Variants in ADAMTS18 observed in about 807,000 individuals in gnomAD.
ADAMTS18 encodes the protein A disintegrin and metalloproteinase with thrombospondin motifs 18.
A neutral mutation model predicts 165.9 loss-of-function variants in ADAMTS18; 157 were observed. That is an observed-to-expected ratio of 0.95 (90% confidence interval 0.83 to 1.08). The LOEUF (loss-of-function observed/expected upper bound fraction) is 1.08, where lower values mean the gene tolerates loss of function less well. Among genes scored for constraint, ADAMTS18 ranks in the 50% least tolerant of loss-of-function variants. The pLI, the probability that ADAMTS18 is intolerant of heterozygous loss-of-function variation, is 0.00. For missense variants in ADAMTS18, 2,040 were observed against 1,534.0 expected (o/e 1.33, Z -5.51); for synonymous variants, 782 against 578.2 (o/e 1.35, Z -5.06).
chr16:77,347,257 A>C (rs1348602758), intron 10 of ADAMTS18, among the ~76,000 whole-genome samples: 1 of 152,200 alleles, frequency 6.6e-6, no homozygotes, highest in African/African-American at 2.4e-5. Flanking sequence ...GTAGCTGAGA[A>C]TGTTCTTGGA....
At chr16:77,372,930 C>T (rs929513645) in intron 3 of ADAMTS18, among the ~76,000 whole-genome samples, 3 of 152,306 alleles carry the variant, frequency 2.0e-5, no homozygotes, top group African/African-American at 7.2e-5. Flanking sequence ...AAATTCCTGA[C>T]CCACTAATCT....
chr16:77,431,459 C>T lies in ADAMTS18; in HGVS notation c.331G>A (p.Glu111Lys), dbSNP rs1263159643. 1 of 1,614,078 alleles carries T rather than the reference C, an allele frequency of 6.2e-7. No individual in the cohort carries two copies. Among genetic ancestry groups the T allele is most frequent in the Non-Finnish European group, 8.5e-7 (1 of 1,180,050 alleles). Reference sequence around the variant, plus strand: ...CTCAAAATCGCCGAGGGCTTAAGTTCTAAGTGCAGTTCCTGTCCAAATGCT... The same window carrying T: ...CTCAAAATCGCCGAGGGCTTAAGTTTTAAGTGCAGTTCCTGTCCAAATGCT... ...FSAFGQELHLELKPSAILSSH... is the reference protein window; with the variant it reads ...FSAFGQELHLKLKPSAILSSH... The change falls in exon 3 of 23, where the codon GAA (glutamate) becomes AAA (lysine). Residue 111 changes from glutamate to lysine, a missense_variant. Physicochemically the swap from Glu to Lys is moderately conservative, Grantham distance 56. Transcript: ENST00000282849.
chr16:77,407,191 T>C (rs1302889139), intron 3 of ADAMTS18, among the ~76,000 whole-genome samples: 1 of 152,132 alleles, frequency 6.6e-6, no homozygotes, highest in Non-Finnish European at 1.5e-5. Context: ...ACTTTATTTA[T>C]ACCTATCTGT....
At chr16:77,375,623 A>T (rs1048170025) in intron 3 of ADAMTS18, among the ~76,000 whole-genome samples, 4 of 152,214 alleles carry the variant, frequency 2.6e-5, no homozygotes, top group Non-Finnish European at 5.9e-5. Context: ...GGAAGAAAGC[A>T]GAGACCAAGT....
Position 77,337,939 on chromosome 16 carries a change from T to C in ADAMTS18, c.1711-2035A>G, listed in dbSNP as rs8049044. On this transcript the variant is annotated intron_variant, in intron 11 of 22. Coordinates refer to ENST00000282849, the MANE Select transcript of ADAMTS18 (RefSeq NM_199355.4). ...TTTTTTTTTGACAAAGTTTCACTCTTGTTGCCCATGCTGGAATGCAGTGGT... is the reference window on the plus strand; with the variant it reads ...TTTTTTTTTGACAAAGTTTCACTCTCGTTGCCCATGCTGGAATGCAGTGGT... Among the ~76,000 whole-genome samples the C allele has an allele frequency of 8.2e-3, 1,241 of 151,670 alleles. 17 individuals carry two copies. The highest frequency in any genetic ancestry group is 0.028 in the African/African-American group (1,161 of 41,248).
At chr16:77,367,366 G>C in intron 4 of ADAMTS18, 75 bp downstream of exon 4, 1 of 1,579,374 alleles carries the variant, frequency 6.3e-7, no homozygotes, top group Non-Finnish European at 8.7e-7. Context: ...TGCAAAGCTT[G>C]TACACCCAAC....
intron 12 of ADAMTS18, among the ~76,000 whole-genome samples, chr16:77,329,874 T>C (rs2056159271): frequency 6.6e-6 from 1 of 152,228 alleles, no homozygotes; most frequent in African/African-American, 2.4e-5. Context: ...GCACATGATT[T>C]TGTCCTTATA....
intron 3 of ADAMTS18, among the ~76,000 whole-genome samples, chr16:77,408,842 C>T (rs2057425000): frequency 1.3e-5 from 2 of 152,112 alleles, no homozygotes; most frequent in African/African-American, 4.8e-5. Flanking sequence ...TCCTCCTTAA[C>T]CACATTTCAC....
At chr16:77,322,227 C>T (rs946478096) in intron 14 of ADAMTS18, 109 bp downstream of exon 14, 2 of 1,378,764 alleles carry the variant, frequency 1.5e-6, no homozygotes, top group African/African-American at 1.4e-5. Flanking sequence ...CGCTCCATGC[C>T]ACCTGCTCTT....
At position 77,431,281 on chromosome 16, in the gene ADAMTS18, TG is replaced by T; in HGVS notation, c.495+13del. The T allele has an allele frequency of 6.2e-7, 1 of 1,614,046 alleles. No individual in the cohort carries two copies. Among genetic ancestry groups the T allele is most frequent in the Non-Finnish European group, 8.5e-7 (1 of 1,179,954 alleles). ...ACGAAAGAGGGAGCTCAACTCAGAC[TG>T]GGGTGTACTTACCAAGCCAGCACAC... On this transcript the variant is annotated intron_variant, in intron 3 of 22. Coordinates refer to ENST00000282849, the MANE Select transcript of ADAMTS18 (RefSeq NM_199355.4).
chr16:77,295,785 G>GT (rs201420946), intron 18 of ADAMTS18, among the ~76,000 whole-genome samples: 2,103 of 151,418 alleles, frequency 0.014, 39 homozygotes, highest in African/African-American at 0.035. Context: ...TGCCAGACCA[G>GT]TTTTTTTTTA....
At chr16:77,432,342 T>C (rs2057749576) in intron 2 of ADAMTS18, 1 of 152,280 alleles carries the variant, frequency 6.6e-6, no homozygotes, top group Non-Finnish European at 1.5e-5. Context: ...GTCTGATGTA[T>C]AAAATTGCTC....
At chr16:77,336,735 C>G (rs918522150) in intron 11 of ADAMTS18, among the ~76,000 whole-genome samples, 1 of 152,140 alleles carries the variant, frequency 6.6e-6, no homozygotes, top group Non-Finnish European at 1.5e-5. Context: ...TCATCTCTCC[C>G]TAGGGGATGC....
At chr16:77,365,293 A>T (rs550485427) in intron 4 of ADAMTS18, among the ~76,000 whole-genome samples, 2 of 152,344 alleles carry the variant, frequency 1.3e-5, no homozygotes, top group Admixed American at 1.3e-4. Flanking sequence ...AAAACTGCAG[A>T]AATAGTGTTA....
intron 16 of ADAMTS18, among the ~76,000 whole-genome samples, chr16:77,308,226 G>A (rs1396521945): frequency 2.0e-5 from 3 of 152,178 alleles, no homozygotes; most frequent in South Asian, 4.1e-4. Flanking sequence ...AAAAAGGAAT[G>A]CTGTGAAAAC....
chr16:77,356,279 T>A (rs557904205), intron 8 of ADAMTS18, among the ~76,000 whole-genome samples: 4 of 152,320 alleles, frequency 2.6e-5, no homozygotes, highest in African/African-American at 9.6e-5. Context: ...AGGGCTTTGT[T>A]ATATTATTTC....
rs1209972570 is a variant in ADAMTS18, at chr16:77,350,692, T to C, written c.1614+3041A>G. 2.0e-5 allele frequency among the ~76,000 whole-genome samples: 3 copies of C among 152,254 alleles called. No homozygotes were observed. The East Asian group carries it at 5.8e-4, about 29-fold the overall frequency. ...GACTGTCTAACTCAGCGACCCTCAA[T>C]CTTGACTGAGCATCAGGGTCATCTA... On this transcript the variant is annotated intron_variant, in intron 10 of 22. Coordinates refer to ENST00000282849, the MANE Select transcript of ADAMTS18 (RefSeq NM_199355.4).
Position 77,431,438 on chromosome 16 carries a change from A to G in ADAMTS18, c.352T>C (p.Leu118=). 1 of 1,614,198 alleles carries G rather than the reference A, an allele frequency of 6.2e-7. No homozygotes were observed. Among genetic ancestry groups the G allele is most frequent in the Admixed American group, 1.7e-5 (1 of 60,034 alleles). ...ACCTGGACAATAAAGTGACTGCTCAAAATCGCCGAGGGCTTAAGTTCTAAG... is the reference window on the plus strand; with the variant it reads ...ACCTGGACAATAAAGTGACTGCTCAGAATCGCCGAGGGCTTAAGTTCTAAG... The part of the protein sequence containing the change: ...LHLELKPSAI[L]SSHFIVQVLG... Residue 118 remains leucine (L), a synonymous_variant, in exon 3 of 23, where the codon TTG becomes CTG. Coordinates refer to ENST00000282849, the MANE Select transcript of ADAMTS18 (RefSeq NM_199355.4).
Position 77,282,911 on chromosome 16 carries a change from T to TC in ADAMTS18, c.*1044_*1045insG, listed in dbSNP as rs2055175375. The stretch of plus-strand genomic sequence containing the variant: ...GTTTACTCCTTTCTTTCTCTCTTTT[T>TC]TTTTTTTTTTTTTTTGCTGTTAGCT... On this transcript the variant is annotated 3_prime_UTR_variant, in exon 23 of 23. Transcript: ENST00000282849. 1.4e-5 allele frequency: 2 copies of TC among 145,894 alleles called. No homozygotes were observed. Among genetic ancestry groups the TC allele is most frequent in the Non-Finnish European group, 3.0e-5 (2 of 66,028 alleles). The allele number at this position is 145,894 out of a possible 1,614,324, so 9.0% of individuals were successfully genotyped here.
Sources: allele counts gnomAD v4.1 joint callset (sites outside exome capture counted in the v4.1 genomes callset), GRCh38; gene constraint gnomAD v4.1.1; transcripts MANE v1.5; gene names NCBI Gene and HGNC (gene_info 2026-07-23, HGNC 2026-07-21).